The following NCKAP5 variants were observed in gnomAD, a reference collection of about 807,000 sequenced individuals.
NCKAP5 encodes the protein NCK associated protein 5.
Under a neutral mutation model 167.0 loss-of-function variants are expected in NCKAP5, and 92 were observed. The ratio of observed to expected loss-of-function variants is 0.55; its 90% CI spans 0.47 to 0.66. The LOEUF (loss-of-function observed/expected upper bound fraction) is 0.66, where lower values mean the gene tolerates loss of function less well. NCKAP5 is among the 30% of genes least tolerant of loss of function. The pLI is 0.00. For missense variants in NCKAP5, 2,378 were observed against 2,315.0 expected (o/e 1.03, Z -0.56); for synonymous variants, 891 against 877.4 (o/e 1.02, Z -0.27).
chr2:133,520,145 C>G (rs1295278262), intron 2 of NCKAP5, among the ~76,000 whole-genome samples: 1 of 152,218 alleles, frequency 6.6e-6, no homozygotes, highest in South Asian at 2.1e-4. Context: ...GAGCCAAGAT[C>G]GCGCCACTGC....
In NCKAP5 at chr2:132,908,530, A is replaced by G. The variant is rs182961199; in HGVS notation, c.580-29614T>C. Among the ~76,000 whole-genome samples, 36 of 152,320 alleles carry G rather than the reference A, an allele frequency of 2.4e-4. No homozygotes were observed. The East Asian group carries it at 6.2e-3, about 26-fold the overall frequency. On this transcript the variant is annotated intron_variant, in intron 8 of 19. Transcript: ENST00000409261. ...AGCTTTTAGCATAATCTTGACTAAT[A>G]CTAAGCTTATCTTCAACTACTCTCC...
intron 8 of NCKAP5, among the ~76,000 whole-genome samples, chr2:132,914,241 T>G (rs911262629): frequency 6.6e-5 from 10 of 152,130 alleles, no homozygotes; most frequent in African/African-American, 2.4e-4. Flanking sequence ...ATAATAAAAT[T>G]TAAAAAGCCT....
intron 3 of NCKAP5, among the ~76,000 whole-genome samples, chr2:133,438,680 G>A (rs954679213): frequency 2.6e-5 from 4 of 152,144 alleles, no homozygotes; most frequent in Non-Finnish European, 5.9e-5. Flanking sequence ...GCACTTAAGA[G>A]TGTCTGGCAC....
chr2:133,090,454 C>T (rs957583306), intron 6 of NCKAP5, among the ~76,000 whole-genome samples: 1 of 151,964 alleles, frequency 6.6e-6, no homozygotes, highest in Admixed American at 6.6e-5. Context: ...ACCATGGAGG[C>T]AGAAACTGGA....
intron 3 of NCKAP5, among the ~76,000 whole-genome samples, chr2:133,441,982 A>G (rs1407981999): frequency 2.0e-5 from 3 of 152,206 alleles, no homozygotes; most frequent in Non-Finnish European, 4.4e-5. Context: ...CAAGTTACAG[A>G]AACTGAAAAG....
At chr2:133,481,702 G>C (rs1414024401) in intron 3 of NCKAP5, among the ~76,000 whole-genome samples, 1 of 152,132 alleles carries the variant, frequency 6.6e-6, no homozygotes, top group East Asian at 1.9e-4. Context: ...TTCTGTTCCT[G>C]TGTTAGTTTG....
chr2:133,332,285 A>G (rs1682909488), intron 3 of NCKAP5, among the ~76,000 whole-genome samples: 1 of 152,176 alleles, frequency 6.6e-6, no homozygotes, highest in Admixed American at 6.5e-5. Context: ...CAATGTACCA[A>G]ATGAAAGATT....
At chr2:133,376,452 C>A (rs1253194377) in intron 3 of NCKAP5, among the ~76,000 whole-genome samples, 1 of 152,140 alleles carries the variant, frequency 6.6e-6, no homozygotes, top group African/African-American at 2.4e-5. Context: ...CTTCTACATT[C>A]TACATACTCT....
In NCKAP5 at chr2:132,784,380, G is replaced by A; in HGVS notation, c.2431C>T (p.Pro811Ser). 3 of 1,613,964 alleles carry A rather than the reference G, an allele frequency of 1.9e-6. No homozygotes were observed. Among genetic ancestry groups the A allele is most frequent in the Middle Eastern group, 1.6e-4 (1 of 6,062 alleles). Residue 811 changes from proline to serine, a missense_variant, in exon 14 of 20, where the codon CCT becomes TCT. By Grantham distance (74) the Pro-to-Ser change is moderately conservative. This residue lies in a region of NCKAP5 where 1,049 missense variants were observed against 1,023.4 expected (regional missense o/e 1.02). Coordinates refer to ENST00000409261, the MANE Select transcript of NCKAP5 (RefSeq NM_207363.3). ...GGCTCCATTAGTTTTGATTTCTGAG[G>A]TGAAGACTTGCCCCTGGGAGGTATT... ...TKIPPRGKSS[P>S]QKSKLMEPEA...
chr2:133,305,093 G>T (rs1011087281), intron 3 of NCKAP5, among the ~76,000 whole-genome samples: 8 of 152,206 alleles, frequency 5.3e-5, no homozygotes, highest in African/African-American at 1.9e-4. Context: ...GCCAGTGGGT[G>T]CTGGGAACAG....
intron 6 of NCKAP5, among the ~76,000 whole-genome samples, chr2:133,098,378 T>C (rs2081406925): frequency 6.6e-6 from 1 of 152,168 alleles, no homozygotes; most frequent in African/African-American, 2.4e-5. Context: ...GGATATTACA[T>C]CCATATTAGG....
chr2:132,861,060 A>G (rs1689867685), intron 10 of NCKAP5, among the ~76,000 whole-genome samples: 1 of 152,184 alleles, frequency 6.6e-6, no homozygotes, highest in African/African-American at 2.4e-5. Context: ...TTGTGAAAAC[A>G]AGTTGAAATT....
In NCKAP5 at chr2:132,782,871, G is replaced by A. The variant is rs574113935; in HGVS notation, c.3940C>T (p.Arg1314Trp). The change falls in exon 14 of 20, where the codon CGG becomes TGG. Residue 1314 changes from arginine (R) to tryptophan (W), a missense_variant. Coordinates refer to ENST00000409261, the MANE Select transcript of NCKAP5 (RefSeq NM_207363.3). ...GAGCTTTCCGTGGAAGAGTTCTGCC[G>A]GGTAAGAGAATTGCCTCTCTCGGCG... ...NTAERGNSLTRQNSSTESSPN... is the reference protein window; with the variant it reads ...NTAERGNSLTWQNSSTESSPN... 2.2e-5 allele frequency: 36 copies of A among 1,613,910 alleles called. No homozygotes were observed. The highest frequency in any genetic ancestry group is 8.3e-5 in the Admixed American group (5 of 60,028).
At chr2:133,487,140 G>GA (rs1680978838) in intron 3 of NCKAP5, among the ~76,000 whole-genome samples, 1 of 152,062 alleles carries the variant, frequency 6.6e-6, no homozygotes, top group Non-Finnish European at 1.5e-5. Context: ...CAGCCACAAA[G>GA]AAAATACAAA....
chr2:133,517,413 C>A lies in NCKAP5; in HGVS notation c.69+45G>T, dbSNP rs1335234965. Reference sequence around the variant, plus strand: ...AATAACAGTCAAAGAATAATGCATTCAAAGCCAAAACATATAGAGTGGTAA... The same window carrying A: ...AATAACAGTCAAAGAATAATGCATTAAAAGCCAAAACATATAGAGTGGTAA... On this transcript the variant is annotated intron_variant, in intron 3 of 19. Transcript: ENST00000409261. 8 of 1,184,980 alleles carry A rather than the reference C, an allele frequency of 6.8e-6. No homozygotes were observed. In the African/African-American group the frequency reaches 1.1e-4, roughly 16 times the overall value. 73.4% of individuals were successfully genotyped at this position (1,184,980 alleles called of 1,614,324 possible).
the NCKAP5 span, among the ~76,000 whole-genome samples, chr2:133,656,068 T>A: frequency 6.6e-6 from 1 of 152,094 alleles, no homozygotes; most frequent in South Asian, 2.1e-4. Flanking sequence ...GTTATCTCCC[T>A]CTCCCTGTTC....
At chr2:133,384,968 G>A (rs1386691226) in intron 3 of NCKAP5, among the ~76,000 whole-genome samples, 2 of 152,150 alleles carry the variant, frequency 1.3e-5, no homozygotes, top group Non-Finnish European at 2.9e-5. Flanking sequence ...GGGTTTTCCA[G>A]ATATACAATC....
chr2:133,006,964 T>G (rs139443670), intron 6 of NCKAP5, among the ~76,000 whole-genome samples: 1 of 152,212 alleles, frequency 6.6e-6, no homozygotes, highest in Non-Finnish European at 1.5e-5. Context: ...ACTTGTTCCA[T>G]GATATTTCAG....
intron 15 of NCKAP5, among the ~76,000 whole-genome samples, chr2:132,779,767 A>G (rs1260201196): frequency 3.3e-5 from 5 of 152,172 alleles, no homozygotes; most frequent in Admixed American, 1.3e-4. Flanking sequence ...AAATCTAAAC[A>G]TCAATAAGTA....
Sources: allele counts gnomAD v4.1 joint callset (sites outside exome capture counted in the v4.1 genomes callset), GRCh38; gene constraint gnomAD v4.1.1; regional missense constraint gnomAD v4.1.1; transcripts MANE v1.5; gene names NCBI Gene and HGNC (gene_info 2026-07-23, HGNC 2026-07-21).